The following GRIK2 variants were observed in gnomAD, a reference collection of about 807,000 sequenced individuals.
GRIK2 encodes glutamate receptor ionotropic, kainate 2.
In GRIK2, 32 loss-of-function variants were observed where a neutral mutation model predicts 100.3. That is an observed-to-expected ratio of 0.32 (90% CI 0.24 to 0.43). The LOEUF (loss-of-function observed/expected upper bound fraction) is 0.43, where lower values mean the gene tolerates loss of function less well. Ranked by LOEUF, GRIK2 falls within the 20% of genes least tolerant of loss-of-function variation. The pLI is 1.00. For missense variants in GRIK2, 843 were observed against 1,114.9 expected (o/e 0.76, Z 3.47); for synonymous variants, 417 against 389.4 (o/e 1.07, Z -0.83).
At chr6:101,513,241 C>T (rs1193744127) in intron 2 of GRIK2, among the ~76,000 whole-genome samples, 1 of 152,022 alleles carries the variant, frequency 6.6e-6, no homozygotes, top group Non-Finnish European at 1.5e-5. Flanking sequence ...AGGTTCCAGG[C>T]TATGGTGAAT....
chr6:101,575,478 T>G (rs1186862171), intron 2 of GRIK2, among the ~76,000 whole-genome samples: 2 of 152,022 alleles, frequency 1.3e-5, no homozygotes, highest in African/African-American at 4.8e-5. Context: ...TTTGAGACAT[T>G]TCTGTGGAGT....
chr6:101,510,892 C>A (rs1392560974), intron 2 of GRIK2, among the ~76,000 whole-genome samples: 1 of 151,892 alleles, frequency 6.6e-6, no homozygotes, highest in Non-Finnish European at 1.5e-5. Flanking sequence ...ACCAGGCAGG[C>A]AATAAATAAT....
At chr6:102,037,948 TAAAAG>T (rs1444419020) in intron 15 of GRIK2, among the ~76,000 whole-genome samples, 1 of 151,544 alleles carries the variant, frequency 6.6e-6, no homozygotes, top group Admixed American at 6.6e-5. Context: ...CATATACTCT[TAAAAG>T]AAGAGGCTGA....
chr6:101,743,834 TA>T (rs1776203840), intron 7 of GRIK2, among the ~76,000 whole-genome samples: 1 of 152,200 alleles, frequency 6.6e-6, no homozygotes. Flanking sequence ...AAAACGTTAA[TA>T]GGTTTTTTGG....
At chr6:101,818,108 T>C (rs1277505563) in intron 9 of GRIK2, among the ~76,000 whole-genome samples, 1 of 152,210 alleles carries the variant, frequency 6.6e-6, no homozygotes, top group Non-Finnish European at 1.5e-5. Context: ...TTTATCTTGG[T>C]GAATGAAAGC....
At position 101,726,619 on chromosome 6, in the gene GRIK2, C is replaced by T. The variant is rs560709011; in HGVS notation, c.951+40266C>T. ...AAAGTAGAACATACATCCAAAGTAA[C>T]ATACTGTCAAAAATATCCAAGCAAT... On this transcript the variant is annotated intron_variant, in intron 7 of 16. Transcript: ENST00000369134. 2.6e-5 allele frequency among the ~76,000 whole-genome samples: 4 copies of T among 151,994 alleles called. No individual in the cohort carries two copies. In the South Asian group the frequency reaches 6.2e-4, roughly 24 times the overall value.
intron 7 of GRIK2, among the ~76,000 whole-genome samples, chr6:101,742,775 G>T (rs777887692): frequency 6.6e-6 from 1 of 152,152 alleles, no homozygotes; most frequent in Non-Finnish European, 1.5e-5. Flanking sequence ...TAGCTAGCAG[G>T]TTTCAAAGAG....
chr6:101,665,305 T>C (rs1181235948), intron 4 of GRIK2, among the ~76,000 whole-genome samples: 1 of 152,170 alleles, frequency 6.6e-6, no homozygotes, highest in Non-Finnish European at 1.5e-5. Context: ...CACCACCTAG[T>C]AGGACTGCAT....
intron 2 of GRIK2, among the ~76,000 whole-genome samples, chr6:101,507,091 T>C (rs1328736091): frequency 6.6e-6 from 1 of 152,098 alleles, no homozygotes; most frequent in Non-Finnish European, 1.5e-5. Context: ...TTCCATGGAC[T>C]TTGGAAAAAT....
intron 4 of GRIK2, among the ~76,000 whole-genome samples, chr6:101,640,385 G>C (rs759206608): frequency 6.6e-6 from 1 of 152,138 alleles, no homozygotes; most frequent in Non-Finnish European, 1.5e-5. Flanking sequence ...AAGTGGCATT[G>C]TTCACTTCCA....
chr6:101,965,549 T>C (rs1323434488), intron 14 of GRIK2, among the ~76,000 whole-genome samples: 2 of 152,166 alleles, frequency 1.3e-5, no homozygotes, highest in Non-Finnish European at 2.9e-5. Flanking sequence ...AAAAAAGTAA[T>C]GTTTATTTTT....
intron 2 of GRIK2, among the ~76,000 whole-genome samples, chr6:101,508,739 T>TA (rs1774144841): frequency 6.6e-6 from 1 of 152,176 alleles, no homozygotes; most frequent in Non-Finnish European, 1.5e-5. Context: ...ATCAGTTTGA[T>TA]ATGTTGAAAA....
chr6:101,402,796 GCACAGGGCATCCAGCGCGTC>G (rs1410146510), intron 2 of GRIK2, among the ~76,000 whole-genome samples: 2 of 152,196 alleles, frequency 1.3e-5, no homozygotes, highest in African/African-American at 4.8e-5. Context: ...GGCGCGGCGG[GCACAGGGCATCCAGCGCGTC>G]CCAGCGTATG....
intron 7 of GRIK2, among the ~76,000 whole-genome samples, chr6:101,797,518 A>ATATATAAGTATGGG (rs1263570280): frequency 6.7e-6 from 1 of 150,180 alleles, no homozygotes; most frequent in Admixed American, 6.7e-5. Flanking sequence ...TTAATTACCC[A>ATATATAAGTATGGG]TATATAAGTA....
intron 12 of GRIK2, among the ~76,000 whole-genome samples, chr6:101,915,150 A>G (rs1260926097): frequency 1.3e-5 from 2 of 151,476 alleles, no homozygotes; most frequent in African/African-American, 4.8e-5. Flanking sequence ...ACTCAAAACT[A>G]ATGCACACAC....
intron 4 of GRIK2, among the ~76,000 whole-genome samples, chr6:101,641,202 T>A (rs1781263525): frequency 6.6e-6 from 1 of 152,038 alleles, no homozygotes. Flanking sequence ...TCATATAAAT[T>A]TAAAAATAGT....
rs536287082 is a variant in GRIK2, at chr6:101,599,984, T to G, written c.116-21965T>G. 4.6e-5 allele frequency among the ~76,000 whole-genome samples: 7 copies of G among 151,964 alleles called. No homozygotes were observed. The East Asian group carries it at 1.4e-3, about 30-fold the overall frequency. On this transcript the variant is annotated intron_variant, in intron 2 of 16. Transcript: ENST00000369134. ...ATCATAAGTTCTTTCTCAAGGCCAG[T>G]GTCCAGAATGATGTTACCTAGGTTT...
chr6:101,608,456 T>C (rs2128312415), intron 2 of GRIK2, among the ~76,000 whole-genome samples: 1 of 152,076 alleles, frequency 6.6e-6, no homozygotes, highest in South Asian at 2.1e-4. Context: ...TAGTAAAATT[T>C]GTCTAATTCT....
intron 14 of GRIK2, among the ~76,000 whole-genome samples, chr6:102,021,910 C>T (rs1028842374): frequency 1.3e-5 from 2 of 149,500 alleles, no homozygotes; most frequent in South Asian, 4.2e-4. Context: ...GTAGACCTTT[C>T]TTCACTTGTT....
Sources: allele counts gnomAD v4.1 joint callset (sites outside exome capture counted in the v4.1 genomes callset), GRCh38; gene constraint gnomAD v4.1.1; transcripts MANE v1.5; gene names NCBI Gene and HGNC (gene_info 2026-07-23, HGNC 2026-07-21).